The following NEGR1 variants were observed in gnomAD, a reference collection of about 807,000 sequenced individuals.
NEGR1 encodes neuronal growth regulator 1.
NEGR1 carries 10 observed loss-of-function variants against 40.9 expected under a neutral mutation model. The observed-to-expected ratio is 0.24, with a 90% CI of 0.15 to 0.42. NEGR1 has a LOEUF of 0.42. NEGR1 is among the 10% of genes least tolerant of loss of function. The pLI, the probability that NEGR1 is intolerant of heterozygous loss-of-function variation, is 1.00. For synonymous variants in NEGR1, 185 were observed against 166.8 expected (o/e 1.11, Z -0.84); for missense variants, 352 against 438.9 (o/e 0.80, Z 1.77).
chr1:72,015,907 A>G (rs1037073465), intron 1 of NEGR1, among the ~76,000 whole-genome samples: 1 of 152,136 alleles, frequency 6.6e-6, no homozygotes, highest in Non-Finnish European at 1.5e-5. Flanking sequence ...ACAGGCCACT[A>G]AAGATACCTA....
chr1:72,108,678 C>T (rs928040530), intron 1 of NEGR1, among the ~76,000 whole-genome samples: 33 of 151,506 alleles, frequency 2.2e-4, no homozygotes, highest in African/African-American at 6.0e-4. Context: ...GCATAATTTA[C>T]GGGAGATTAT....
At position 71,403,539 on chromosome 1, in the gene NEGR1, G is replaced by A. The variant is rs1242077506; in HGVS notation, c.*3907C>T. The A allele has an allele frequency of 1.0e-5, 2 of 197,312 alleles. No individual in the cohort carries two copies. Among genetic ancestry groups the A allele is most frequent in the African/African-American group, 4.6e-5 (2 of 43,636 alleles). The allele number at this position is 197,312 out of a possible 1,614,324, so 12.2% of individuals were successfully genotyped here. A position where few individuals can be genotyped will look rare whatever the true frequency, so the allele number is the denominator to read the frequency against. On this transcript the variant is annotated 3_prime_UTR_variant, in exon 7 of 7. Coordinates refer to ENST00000357731, the MANE Select transcript of NEGR1 (RefSeq NM_173808.3). ...AGCTCATCAAACCTTTTAGGAATCA[G>A]CAACAGCAAGAAAGAATATAGTGTG... is the stretch of plus-strand genomic sequence containing the variant.
chr1:71,675,705 G>T (rs576771302), intron 4 of NEGR1, among the ~76,000 whole-genome samples: 2 of 152,186 alleles, frequency 1.3e-5, no homozygotes, highest in African/African-American at 4.8e-5. Flanking sequence ...CATGAATAGG[G>T]TATACAGAAA....
intron 6 of NEGR1, among the ~76,000 whole-genome samples, chr1:71,447,151 G>T (rs1646587890): frequency 2.0e-5 from 3 of 152,216 alleles, no homozygotes. Context: ...ATCAGTGGCT[G>T]CATTAGATTC....
At chr1:72,158,053 T>C (rs565560945) in intron 1 of NEGR1, among the ~76,000 whole-genome samples, 1 of 152,104 alleles carries the variant, frequency 6.6e-6, no homozygotes, top group African/African-American at 2.4e-5. Context: ...TACAGGTCTA[T>C]ATGGGAAAAA....
At chr1:71,522,384 C>G (rs1008361034) in intron 6 of NEGR1, among the ~76,000 whole-genome samples, 10 of 151,856 alleles carry the variant, frequency 6.6e-5, no homozygotes, top group African/African-American at 2.2e-4. Flanking sequence ...TCCTCACTGT[C>G]TACTCAACCA....
chr1:71,835,133 T>G (rs1055242594), intron 2 of NEGR1, among the ~76,000 whole-genome samples: 12 of 152,092 alleles, frequency 7.9e-5, no homozygotes, highest in Non-Finnish European at 1.5e-5. Flanking sequence ...GGTTATGTGT[T>G]TCTATCTGTT....
In NEGR1 at chr1:71,469,960, A is replaced by C. The variant is rs142085229; in HGVS notation, c.941-62390T>G. Among the ~76,000 whole-genome samples the C allele has an allele frequency of 2.0e-5, 3 of 152,222 alleles. No homozygotes were observed. In the East Asian group the frequency reaches 5.8e-4, roughly 30 times the overall value. ...AAAATTACAAAATATGGACACATGT[A>C]ATTTTATTTTTAAACTGAAAAGTAA... On this transcript the variant is annotated intron_variant, in intron 6 of 6. Transcript: ENST00000357731.
rs181616118 is a variant in NEGR1, at chr1:72,275,066, T to G, written c.176+7253A>C. On this transcript the variant is annotated intron_variant, in intron 1 of 6. Transcript: ENST00000357731. ...CTCTTGGAACCAACTGAGCAGAAAT[T>G]TGTTAGCACCAGTGACCTCCTGATA... 7.3e-5 allele frequency: 91 copies of G among 1,244,722 alleles called. No individual in the cohort carries two copies. The African/African-American group carries it at 1.1e-3, about 15-fold the overall frequency. 77.1% of individuals were successfully genotyped at this position (1,244,722 alleles called of 1,614,324 possible).
chr1:71,692,777 G>C (rs1258745165), intron 4 of NEGR1, among the ~76,000 whole-genome samples: 2 of 151,782 alleles, frequency 1.3e-5, no homozygotes, highest in Non-Finnish European at 3.0e-5. Context: ...ATACGTAGCA[G>C]ATGCAAAATA....
chr1:71,875,600 G>A (rs569490717), intron 2 of NEGR1, among the ~76,000 whole-genome samples: 3 of 152,214 alleles, frequency 2.0e-5, no homozygotes, highest in South Asian at 4.1e-4. Context: ...GTGCAGATAC[G>A]GGCTAGATTT....
intron 2 of NEGR1, among the ~76,000 whole-genome samples, chr1:71,903,824 T>C (rs114054637): frequency 0.022 from 3,323 of 150,622 alleles, 67 homozygotes; most frequent in Middle Eastern, 0.068. Flanking sequence ...TCTCTCTCTA[T>C]TATATATATA....
chr1:71,713,529 A>C (rs1178721747), intron 3 of NEGR1, among the ~76,000 whole-genome samples: 3 of 152,226 alleles, frequency 2.0e-5, no homozygotes, highest in Admixed American at 2.0e-4. Context: ...GAATATAAAG[A>C]CACAGATATT....
At chr1:71,660,598 C>G (rs1008151760) in intron 4 of NEGR1, among the ~76,000 whole-genome samples, 17 of 152,138 alleles carry the variant, frequency 1.1e-4, no homozygotes, top group African/African-American at 3.9e-4. Flanking sequence ...CTAGATGAGG[C>G]TCTGATTCTG....
At chr1:71,971,579 C>G (rs1047985092) in intron 1 of NEGR1, among the ~76,000 whole-genome samples, 3 of 152,096 alleles carry the variant, frequency 2.0e-5, no homozygotes, top group Non-Finnish European at 4.4e-5. Flanking sequence ...AGTTAAAGTA[C>G]TAGGTAGATA....
chr1:71,621,180 T>C (rs1323084613), intron 4 of NEGR1, among the ~76,000 whole-genome samples: 1 of 151,930 alleles, frequency 6.6e-6, no homozygotes, highest in Non-Finnish European at 1.5e-5. Context: ...TTAATTTAAT[T>C]AAAACCTGGA....
intron 3 of NEGR1, among the ~76,000 whole-genome samples, chr1:71,761,837 A>G (rs1655953791): frequency 6.6e-6 from 1 of 152,128 alleles, no homozygotes; most frequent in Non-Finnish European, 1.5e-5. Context: ...AAATAAAACA[A>G]TAAAAGAAGG....
At chr1:71,954,296 C>T (rs747226385) in intron 1 of NEGR1, among the ~76,000 whole-genome samples, 10 of 151,688 alleles carry the variant, frequency 6.6e-5, no homozygotes, top group Non-Finnish European at 1.3e-4. Flanking sequence ...TTCCATAATT[C>T]GCTTGGAGGT....
chr1:71,868,391 A>C (rs139650583), intron 2 of NEGR1, among the ~76,000 whole-genome samples: 1 of 152,222 alleles, frequency 6.6e-6, no homozygotes, highest in East Asian at 1.9e-4. Context: ...ATCTTAAACA[A>C]ATGAGTTAAC....
Sources: gnomAD v4.1 joint callset for allele counts (sites outside exome capture counted in the v4.1 genomes callset) on GRCh38, gnomAD v4.1.1 for gene constraint, MANE v1.5 for transcripts, NCBI Gene and HGNC (gene_info 2026-07-23, HGNC 2026-07-21) for gene names.